SNX9: variants seen among roughly 807,000 people sequenced by gnomAD.
SNX9 encodes the protein sorting nexin-9.
A neutral mutation model predicts 89.4 loss-of-function variants in SNX9; 44 were observed. The observed-to-expected ratio is 0.49, with a 90% CI of 0.39 to 0.63. The LOEUF is 0.63. Ranked by LOEUF, SNX9 falls within the 30% of genes least tolerant of loss-of-function variation. SNX9 has a pLI of 0.00. For missense variants in SNX9, 578 were observed against 736.1 expected, an observed-to-expected ratio of 0.79 and a Z score of 2.49; for synonymous variants, 236 against 247.8, an observed-to-expected ratio of 0.95 and a Z score of 0.45.
intron 16 of SNX9, among the ~76,000 whole-genome samples, chr6:157,939,029 T>C (rs1783982634): frequency 6.6e-6 from 1 of 152,230 alleles, no homozygotes; most frequent in Admixed American, 6.5e-5. Context: ...GGTATCATAA[T>C]GCTCTATTAA....
chr6:157,919,937 G>T (rs966874679), intron 9 of SNX9, among the ~76,000 whole-genome samples: 1 of 151,940 alleles, frequency 6.6e-6, no homozygotes, highest in African/African-American at 2.4e-5. Flanking sequence ...CTGTCTCCCT[G>T]GAAGTTCAGT....
Position 157,927,072 on chromosome 6 carries a change from G to C in SNX9, c.1081-39G>C, listed in dbSNP as rs781485138. The C allele has an allele frequency of 4.0e-6, 6 of 1,504,904 alleles. 1 individual carries two copies. Among genetic ancestry groups the C allele is most frequent in the Non-Finnish European group, 4.6e-6 (5 of 1,080,770 alleles). The allele number at this position is 1,504,904 out of a possible 1,614,324, so 93.2% of individuals were successfully genotyped here. A position where few individuals can be genotyped will look rare whatever the true frequency, so the allele number is the denominator to read the frequency against. ...GGGAATTTTGAAGACCAGTTTGACT[G>C]TGCTCTCCACTTGAACCTTACAACA... On this transcript the variant is annotated intron_variant, in intron 10 of 17. Coordinates refer to ENST00000392185, the MANE Select transcript of SNX9 (RefSeq NM_016224.5).
At chr6:157,884,355 C>A (rs977432028) in intron 4 of SNX9, among the ~76,000 whole-genome samples, 1 of 152,184 alleles carries the variant, frequency 6.6e-6, no homozygotes, top group Non-Finnish European at 1.5e-5. Context: ...GTTGGAACTA[C>A]ATTTTGCTTT....
chr6:157,858,626 T>G (rs1203831203), intron 1 of SNX9, among the ~76,000 whole-genome samples: 1 of 152,182 alleles, frequency 6.6e-6, no homozygotes, highest in Non-Finnish European at 1.5e-5. Flanking sequence ...TCTACCTTGA[T>G]GTATTAGCAT....
intron 3 of SNX9, chr6:157,874,499 C>G (rs1208803818): frequency 6.6e-6 from 1 of 152,132 alleles, no homozygotes; most frequent in African/African-American, 2.4e-5. Flanking sequence ...ATATAAAACC[C>G]CCTCTATTAG....
intron 1 of SNX9, among the ~76,000 whole-genome samples, chr6:157,840,216 ATCTCGGGAAAGAGCAGACCCTCAGG>A (rs1158837873): frequency 7.8e-5 from 10 of 129,030 alleles, no homozygotes; most frequent in African/African-American, 2.6e-4. Context: ...GTGTCTTTGG[ATCTCGGGAAAGAGCAGACCCTCAGG>A]CTGGTGCTTG....
chr6:157,880,836 A>G (rs139997599), intron 4 of SNX9, among the ~76,000 whole-genome samples: 6 of 152,310 alleles, frequency 3.9e-5, no homozygotes, highest in South Asian at 4.1e-4. Flanking sequence ...CACACATCCT[A>G]TGTGAATCAG....
chr6:157,900,532 G>C (rs142200157), intron 5 of SNX9, among the ~76,000 whole-genome samples: 14,635 of 152,076 alleles, frequency 0.096, 750 homozygotes, highest in African/African-American at 0.12. Context: ...GGGGGTCACT[G>C]CCTTCTGGTC....
intron 3 of SNX9, among the ~76,000 whole-genome samples, chr6:157,873,629 TATAA>T (rs1188913109): frequency 6.8e-6 from 1 of 148,130 alleles, no homozygotes; most frequent in South Asian, 2.1e-4. Context: ...TTATATAAAT[TATAA>T]ATATAGATAT....
chr6:157,915,161 C>G (rs962379292), intron 9 of SNX9, among the ~76,000 whole-genome samples: 3 of 152,118 alleles, frequency 2.0e-5, no homozygotes, highest in African/African-American at 7.2e-5. Context: ...ATGTGTCCAT[C>G]CTTTTCGCTA....
intron 1 of SNX9, among the ~76,000 whole-genome samples, chr6:157,835,618 A>G (rs1468083646): frequency 6.6e-6 from 1 of 151,994 alleles, no homozygotes; most frequent in East Asian, 1.9e-4. Context: ...TCCAAGTGTC[A>G]CAGGAGGGAC....
chr6:157,831,903 G>T (rs1399820628), intron 1 of SNX9, among the ~76,000 whole-genome samples: 1 of 152,226 alleles, frequency 6.6e-6, no homozygotes, highest in Admixed American at 6.5e-5. Context: ...AGTGGAATAT[G>T]TGCATGAAAG....
In SNX9 at chr6:157,909,693, A is replaced by G. The variant is rs775629099; in HGVS notation, c.734A>G (p.Tyr245Cys). 1 of 1,614,208 alleles carries G rather than the reference A, an allele frequency of 6.2e-7. No homozygotes were observed. Among genetic ancestry groups the G allele is most frequent in the Non-Finnish European group, 8.5e-7 (1 of 1,180,022 alleles). Reference protein sequence around the residue: ...IVGDYGPMWVYPTSTFDCVVA... With the variant: ...IVGDYGPMWVCPTSTFDCVVA... ...GGAGATTATGGCCCAATGTGGGTTT[A>G]TCCTACCTCTACTTTTGACTGTGTG... is the stretch of plus-strand genomic sequence containing the variant. Residue 245 changes from tyrosine (Y) to cysteine (C), a missense_variant, in exon 8 of 18, where the codon TAT (tyrosine) becomes TGT (cysteine). Physicochemically the swap from Tyr to Cys is radical, Grantham distance 194. This residue lies in a region of SNX9 where 348 missense variants were observed against 491.4 expected (regional missense o/e 0.71). Transcript: ENST00000392185.
intron 2 of SNX9, among the ~76,000 whole-genome samples, chr6:157,870,808 C>G (rs556248205): frequency 1.3e-5 from 2 of 151,744 alleles, no homozygotes; most frequent in South Asian, 4.2e-4. Context: ...CACACACACC[C>G]CTCAGACACT....
At chr6:157,840,188 C>G (rs1240144017) in intron 1 of SNX9, among the ~76,000 whole-genome samples, 3 of 119,654 alleles carry the variant, frequency 2.5e-5, no homozygotes, top group African/African-American at 1.1e-4. Flanking sequence ...AGAGCAGACC[C>G]TCAGGCTGGT....
At chr6:157,928,806 A>T in intron 12 of SNX9, 104 bp downstream of exon 12, 2 of 853,772 alleles carry the variant, frequency 2.3e-6, no homozygotes, top group Non-Finnish European at 3.4e-6. Context: ...ACAGAAGTGT[A>T]TTTGGTGGAC....
intron 1 of SNX9, among the ~76,000 whole-genome samples, chr6:157,826,029 CAG>C (rs923990709): frequency 5.9e-5 from 9 of 152,122 alleles, no homozygotes; most frequent in African/African-American, 2.2e-4. Context: ...TTGAATTTAT[CAG>C]AGACTTGGCT....
chr6:157,833,363 T>A (rs551537647), intron 1 of SNX9, among the ~76,000 whole-genome samples: 1 of 152,320 alleles, frequency 6.6e-6, no homozygotes, highest in Non-Finnish European at 1.5e-5. Flanking sequence ...ATACCTTCTG[T>A]TAATTTGTTT....
At chr6:157,834,161 T>TTTTG (rs1562588758) in intron 1 of SNX9, among the ~76,000 whole-genome samples, 9 of 99,542 alleles carry the variant, frequency 9.0e-5, no homozygotes, top group African/African-American at 4.2e-4. Context: ...TTTTTTTTTT[T>TTTTG]TTTTTTTTTT....
Sources: allele counts gnomAD v4.1 joint callset (sites outside exome capture counted in the v4.1 genomes callset), GRCh38; gene constraint gnomAD v4.1.1; regional missense constraint gnomAD v4.1.1; transcripts MANE v1.5; gene names NCBI Gene and HGNC (gene_info 2026-07-23, HGNC 2026-07-21).